The following CCDC32 variants were observed in gnomAD, a reference collection of about 807,000 sequenced individuals.
CCDC32 encodes coiled-coil domain-containing protein 32.
A neutral mutation model predicts 20.1 loss-of-function variants in CCDC32; 9 were observed. The observed-to-expected ratio is 0.45, with a 90% confidence interval of 0.27 to 0.78. CCDC32 has a LOEUF of 0.78. CCDC32 is among the 30% of genes least tolerant of loss of function. The pLI, the probability that CCDC32 is intolerant of heterozygous loss-of-function variation, is 0.16. For missense variants in CCDC32, 204 were observed against 215.5 expected (o/e 0.95, Z 0.33); for synonymous variants, 63 against 79.0 (o/e 0.80, Z 1.07).
downstream of CCDC32, chr15:40,534,639 T>G: frequency 2.5e-6 from 1 of 396,856 alleles, no homozygotes; most frequent in Non-Finnish European, 4.6e-6. Flanking sequence ...GAGACTTGGA[T>G]TGGGACACAG....
chr15:40,550,661 T>C (rs929308329), downstream of CCDC32, among the ~76,000 whole-genome samples: 1 of 152,342 alleles, frequency 6.6e-6, no homozygotes, highest in East Asian at 1.9e-4. Flanking sequence ...TTTAGAGCCA[T>C]TGTTTACGCT....
chr15:40,528,999 G>A (rs1894935704), intron 3 of CCDC32, among the ~76,000 whole-genome samples: 1 of 152,154 alleles, frequency 6.6e-6, no homozygotes. Context: ...AGGCAGCTAA[G>A]TGCCTTTGTC....
chr15:40,561,191 T>C (rs190177153), intron 2 of CCDC32, among the ~76,000 whole-genome samples: 2 of 152,210 alleles, frequency 1.3e-5, no homozygotes, highest in Admixed American at 1.3e-4. Context: ...AAGTGGTATA[T>C]TGGCCGGGCA....
intron 2 of CCDC32, chr15:40,557,727 CT>C: frequency 6.3e-6 from 1 of 159,436 alleles, no homozygotes; most frequent in Admixed American, 6.4e-5. Flanking sequence ...ATACTACTGT[CT>C]TTTTTCAACT....
At chr15:40,550,202 T>C (rs1889794419), downstream of CCDC32, among the ~76,000 whole-genome samples, 1 of 152,238 alleles carries the variant, frequency 6.6e-6, no homozygotes, top group East Asian at 1.9e-4. Flanking sequence ...TGGCCCGTGT[T>C]GGTGATTACC....
At chr15:40,547,930 T>G (rs1408577811) in intron 3 of CCDC32, among the ~76,000 whole-genome samples, 1 of 152,272 alleles carries the variant, frequency 6.6e-6, no homozygotes, top group East Asian at 1.9e-4. Context: ...AGAATCCTAT[T>G]CAGCTATTCT....
downstream of CCDC32, among the ~76,000 whole-genome samples, chr15:40,527,352 G>C (rs1379766533): frequency 6.6e-6 from 1 of 152,106 alleles, no homozygotes; most frequent in Admixed American, 6.6e-5. Flanking sequence ...TGTATTTTTA[G>C]TAGAGATAGG....
chr15:40,553,849 C>T lies in CCDC32; in HGVS notation c.*122G>A, dbSNP rs1437190748. The T allele has an allele frequency of 4.2e-6, 6 of 1,413,666 alleles. No homozygotes were observed. The highest frequency in any genetic ancestry group is 5.6e-6 in the Non-Finnish European group (6 of 1,077,732). 87.6% of individuals were successfully genotyped at this position (1,413,666 alleles called of 1,614,324 possible). On this transcript the variant is annotated 3_prime_UTR_variant, in exon 4 of 4. Coordinates refer to ENST00000416810, the MANE Select transcript of CCDC32 (RefSeq NM_001080792.4). ...GTTTTTTCCTTCAGTGGATTTCTCC[C>T]TGCTGCTGTCACTGAGCTCCACGCT...
At chr15:40,529,876 T>C (rs1422697649) in intron 3 of CCDC32, among the ~76,000 whole-genome samples, 3 of 151,150 alleles carry the variant, frequency 2.0e-5, no homozygotes, top group African/African-American at 7.2e-5. Context: ...TTAGCCAGGA[T>C]GGTCTCGATC....
intron 3 of CCDC32, among the ~76,000 whole-genome samples, chr15:40,545,096 G>T (rs1246278926): frequency 1.3e-5 from 2 of 152,192 alleles, no homozygotes; most frequent in Non-Finnish European, 1.5e-5. Flanking sequence ...TGGGATGATT[G>T]TTCTAACAAC....
intron 2 of CCDC32, among the ~76,000 whole-genome samples, chr15:40,559,320 A>G (rs547446167): frequency 6.6e-6 from 1 of 152,162 alleles, no homozygotes; most frequent in Non-Finnish European, 1.5e-5. Context: ...CTCTTGGCCT[A>G]CACGTGACCC....
chr15:40,564,908 T>C, intron 1 of CCDC32, 68 bp downstream of exon 1: 2 of 1,218,812 alleles, frequency 1.6e-6, no homozygotes, highest in Middle Eastern at 2.0e-4. Flanking sequence ...GGCCTCTATG[T>C]GGTATTCCGG....
chr15:40,544,280 C>T (rs1889522005), intron 3 of CCDC32, among the ~76,000 whole-genome samples: 1 of 152,168 alleles, frequency 6.6e-6, no homozygotes, highest in Non-Finnish European at 1.5e-5. Context: ...GTAGGGCAAT[C>T]ATAGCTCACT....
chr15:40,551,617 C>T (rs1267638799), downstream of CCDC32, among the ~76,000 whole-genome samples: 3 of 151,688 alleles, frequency 2.0e-5, no homozygotes. Flanking sequence ...TAACCCAGTC[C>T]AGACAACATG....
intron 2 of CCDC32, among the ~76,000 whole-genome samples, chr15:40,558,638 G>A (rs536579153): frequency 2.2e-4 from 34 of 152,058 alleles, no homozygotes; most frequent in African/African-American, 6.8e-4. Context: ...GCACTAACAC[G>A]TCCCTTCTGC....
downstream of CCDC32, among the ~76,000 whole-genome samples, chr15:40,527,116 G>A (rs533457676): frequency 1.6e-4 from 24 of 150,872 alleles, no homozygotes; most frequent in Non-Finnish European, 2.5e-4. Flanking sequence ...ATGCTGGGCC[G>A]ATTTTTGTAT....
chr15:40,545,889 T>C (rs1202246286), intron 3 of CCDC32, among the ~76,000 whole-genome samples: 2 of 152,214 alleles, frequency 1.3e-5, no homozygotes, highest in African/African-American at 4.8e-5. Flanking sequence ...ACCTCATTCA[T>C]GTAACTATCA....
chr15:40,547,906 G>A (rs137857216), intron 3 of CCDC32, among the ~76,000 whole-genome samples: 2 of 152,192 alleles, frequency 1.3e-5, no homozygotes, highest in African/African-American at 2.4e-5. Context: ...GCCTTTGCAC[G>A]CACTCTCGTG....
chr15:40,561,106 CAG>C (rs1454690055), intron 2 of CCDC32, among the ~76,000 whole-genome samples: 1 of 152,136 alleles, frequency 6.6e-6, no homozygotes. Context: ...TGAAGTAACT[CAG>C]GAATGGAAAA....
Sources: allele counts gnomAD v4.1 joint callset (sites outside exome capture counted in the v4.1 genomes callset), GRCh38; gene constraint gnomAD v4.1.1; transcripts MANE v1.5; gene names NCBI Gene and HGNC (gene_info 2026-07-23, HGNC 2026-07-21).